Variants in TRUB1 observed in about 807,000 individuals in gnomAD.
TRUB1 encodes the protein TruB pseudouridine synthase family member 1.
A neutral mutation model predicts 33.9 loss-of-function variants in TRUB1; 23 were observed. The ratio of observed to expected loss-of-function variants is 0.68; its 90% CI spans 0.49 to 0.96. TRUB1 has a LOEUF of 0.96. Ranked by LOEUF, TRUB1 falls within the 40% of genes least tolerant of loss-of-function variation. The pLI is 0.00. For synonymous variants in TRUB1, 163 were observed against 165.4 expected, an observed-to-expected ratio of 0.99 and a Z score of 0.11; for missense variants, 378 against 422.2, an observed-to-expected ratio of 0.90 and a Z score of 0.92.
rs200809062 is a variant in TRUB1, at chr10:114,938,211, C to G, written c.-43C>G. 2 of 1,599,270 alleles carry G rather than the reference C, an allele frequency of 1.3e-6. No homozygotes were observed. Among genetic ancestry groups the G allele is most frequent in the Non-Finnish European group, 1.7e-6 (2 of 1,174,210 alleles). On this transcript the variant is annotated 5_prime_UTR_variant, in exon 1 of 8. In the 5' UTR this introduces an upstream ATG that the reference lacks. Transcript: ENST00000298746. ...GTCAGGCGCACTCTTGTTGCATCAT[C>G]AGCGTGCACCTCCACGATGAAACAG...
At chr10:114,956,789 T>C (rs994884119) in intron 3 of TRUB1, among the ~76,000 whole-genome samples, 6 of 152,210 alleles carry the variant, frequency 3.9e-5, no homozygotes, top group Admixed American at 1.3e-4. Flanking sequence ...TTTTTCAGCT[T>C]TAATTTCTAA....
At chr10:114,956,212 A>G (rs2143021609) in intron 3 of TRUB1, among the ~76,000 whole-genome samples, 1 of 152,338 alleles carries the variant, frequency 6.6e-6, no homozygotes, top group African/African-American at 2.4e-5. Context: ...GAGAGTACAC[A>G]GGTCAATGGA....
At chr10:114,974,456 T>G in intron 7 of TRUB1, 71 bp downstream of exon 7, 1 of 1,384,660 alleles carries the variant, frequency 7.2e-7, no homozygotes, top group East Asian at 2.3e-5. Flanking sequence ...AGAGGGAATT[T>G]TCCGTTTTTC....
At position 114,976,180 on chromosome 10, in the gene TRUB1, G is replaced by A. The variant is rs541561655; in HGVS notation, c.*801G>A. On this transcript the variant is annotated 3_prime_UTR_variant, in exon 8 of 8. Transcript: ENST00000298746. ...ATAATTTTTAAAATTTAAAGAATGTGTCTTCAACTAAAAACTTTATTCTTT... is the reference window on the plus strand; with the variant it reads ...ATAATTTTTAAAATTTAAAGAATGTATCTTCAACTAAAAACTTTATTCTTT... 32 of 152,608 alleles carry A rather than the reference G, an allele frequency of 2.1e-4. No individual in the cohort carries two copies. Among genetic ancestry groups the A allele is most frequent in the African/African-American group, 7.5e-4 (31 of 41,544 alleles). 9.5% of individuals were successfully genotyped at this position (152,608 alleles called of 1,614,324 possible).
chr10:114,946,126 T>A (rs944164050), intron 2 of TRUB1, among the ~76,000 whole-genome samples: 2 of 152,198 alleles, frequency 1.3e-5, no homozygotes, highest in Non-Finnish European at 2.9e-5. Flanking sequence ...CTAATCATAC[T>A]TCGGTTTGTA....
chr10:114,961,141 T>G (rs1158801587), intron 4 of TRUB1, among the ~76,000 whole-genome samples: 3 of 152,044 alleles, frequency 2.0e-5, no homozygotes, highest in Non-Finnish European at 4.4e-5. Context: ...AAAATGACAA[T>G]AATGATAGCA....
In TRUB1 at chr10:114,975,209, A is replaced by G. The variant is rs756221098; in HGVS notation, c.880A>G (p.Lys294Glu). The change falls in exon 8 of 8, where the codon AAA (lysine) becomes GAA (glutamate). Residue 294 changes from lysine to glutamate, a missense_variant. Coordinates refer to ENST00000298746, the MANE Select transcript of TRUB1 (RefSeq NM_139169.5). ...TLEEHALPEDKWTIDDIAQSL... is the reference protein window; with the variant it reads ...TLEEHALPEDEWTIDDIAQSL... ...AGAAGAACATGCCCTTCCTGAAGAC[A>G]AATGGACAATTGATGACATTGCACA... is the stretch of plus-strand genomic sequence containing the variant. The G allele has an allele frequency of 6.2e-7, 1 of 1,613,720 alleles. No individual in the cohort carries two copies. The highest frequency in any genetic ancestry group is 1.7e-5 in the Admixed American group (1 of 59,984).
chr10:114,958,738 C>T (rs528436921), intron 3 of TRUB1, among the ~76,000 whole-genome samples: 20 of 152,294 alleles, frequency 1.3e-4, no homozygotes, highest in African/African-American at 4.3e-4. Context: ...ACAATCCTCA[C>T]GTAACTAAGA....
chr10:114,942,786 T>A, intron 2 of TRUB1, 43 bp downstream of exon 2: 1 of 1,242,080 alleles, frequency 8.1e-7, no homozygotes. Context: ...TGTCACTTAA[T>A]ATCAGAAAGA....
intron 3 of TRUB1, among the ~76,000 whole-genome samples, chr10:114,951,351 CTT>C (rs2084234683): frequency 6.6e-6 from 1 of 152,100 alleles, no homozygotes; most frequent in Admixed American, 6.5e-5. Context: ...ACCAATTAGA[CTT>C]AAAGAAACAA....
intron 3 of TRUB1, among the ~76,000 whole-genome samples, chr10:114,953,606 T>C (rs10885637): frequency 0.32 from 48,562 of 152,066 alleles, 8,731 homozygotes; most frequent in Non-Finnish European, 0.42. Flanking sequence ...CATACATTTA[T>C]GAAAAGGAAA....
chr10:114,939,448 C>T (rs1283397951), intron 1 of TRUB1, among the ~76,000 whole-genome samples: 1 of 151,570 alleles, frequency 6.6e-6, no homozygotes, highest in Non-Finnish European at 1.5e-5. Flanking sequence ...TCAAGGCCCT[C>T]CAGAGTTTGG....
At chr10:114,970,282 A>G in intron 4 of TRUB1, 86 bp from the exon 5 acceptor site, 1 of 932,780 alleles carries the variant, frequency 1.1e-6, no homozygotes, top group Non-Finnish European at 1.7e-6. Context: ...AAAGTTTTAA[A>G]TGAATTTTCA....
chr10:114,953,680 G>A (rs1262358352), intron 3 of TRUB1, among the ~76,000 whole-genome samples: 2 of 152,142 alleles, frequency 1.3e-5, no homozygotes, highest in South Asian at 2.1e-4. Context: ...TCGAGGCTGG[G>A]TAATTTATAA....
chr10:114,948,570 T>C (rs1004079557), intron 2 of TRUB1, among the ~76,000 whole-genome samples: 2 of 152,232 alleles, frequency 1.3e-5, no homozygotes, highest in African/African-American at 4.8e-5. Flanking sequence ...GAAAAGCTGC[T>C]GGTTGGCTAG....
At chr10:114,969,008 T>A (rs1256315482) in intron 4 of TRUB1, among the ~76,000 whole-genome samples, 1 of 152,184 alleles carries the variant, frequency 6.6e-6, no homozygotes, top group Non-Finnish European at 1.5e-5. Flanking sequence ...TTTCTGTGAT[T>A]TAGTTTATTA....
chr10:114,968,176 C>T (rs1250224995), intron 4 of TRUB1, among the ~76,000 whole-genome samples: 6 of 152,048 alleles, frequency 3.9e-5, no homozygotes. Flanking sequence ...ACAGAGTGAA[C>T]AGCACAAACC....
chr10:114,942,194 C>T (rs545241295), intron 1 of TRUB1, among the ~76,000 whole-genome samples: 13 of 152,190 alleles, frequency 8.5e-5, no homozygotes, highest in African/African-American at 2.6e-4. Flanking sequence ...GAGATGTACT[C>T]GCAATGTTAG....
chr10:114,973,858 T>C (rs2084347352), intron 6 of TRUB1, among the ~76,000 whole-genome samples: 1 of 152,092 alleles, frequency 6.6e-6, no homozygotes, highest in Admixed American at 6.6e-5. Flanking sequence ...TTTTGGTTGG[T>C]TGGTTGGTTG....
Sources: allele counts gnomAD v4.1 joint callset (sites outside exome capture counted in the v4.1 genomes callset), GRCh38; gene constraint gnomAD v4.1.1; transcripts MANE v1.5; gene names NCBI Gene and HGNC (gene_info 2026-07-23, HGNC 2026-07-21).